Variants in ALG1 observed in about 807,000 individuals in gnomAD.
ALG1 encodes the protein chitobiosyldiphosphodolichol beta-mannosyltransferase.
Under a neutral mutation model 55.1 loss-of-function variants are expected in ALG1, and 58 were observed. That is an observed-to-expected ratio of 1.05 (90% CI 0.85 to 1.31). The LOEUF is 1.31. ALG1 is among the 50% of genes most tolerant of loss of function. The probability of loss-of-function intolerance (pLI) is 0.00; values close to 1 mark genes in which losing one functional copy is unlikely to be tolerated. For synonymous variants in ALG1, 309 were observed against 247.0 expected (o/e 1.25, Z -2.35); for missense variants, 761 against 598.6 (o/e 1.27, Z -2.83).
chr16:5,076,792 CTTT>C (rs5815229), intron 4 of ALG1, among the ~76,000 whole-genome samples: 21 of 108,842 alleles, frequency 1.9e-4, no homozygotes, highest in Non-Finnish European at 2.3e-4. Context: ...GTATTTCTTC[CTTT>C]TTTTTTTTTT....
At chr16:5,079,844 G>A (rs774756202) in intron 9 of ALG1, 37 bp downstream of exon 9, 4 of 1,603,848 alleles carry the variant, frequency 2.5e-6, no homozygotes, top group Non-Finnish European at 3.4e-6. Flanking sequence ...TTTGGTTGGG[G>A]GATGGCGGAG....
At position 5,086,325 on chromosome 16, in the gene ALG1, A is replaced by G. The variant is rs1957164406; in HGVS notation, c.*1444A>G. ...ACTCCAGCCTGAGTGACAGGGTGAGACTAAGTCTCAAAAAAAAAAAAAAAA... is the reference window on the plus strand; with the variant it reads ...ACTCCAGCCTGAGTGACAGGGTGAGGCTAAGTCTCAAAAAAAAAAAAAAAA... On this transcript the variant is annotated 3_prime_UTR_variant, in exon 13 of 13. Transcript: ENST00000262374. Among the ~76,000 whole-genome samples, 1 of 92,426 alleles carries G rather than the reference A, an allele frequency of 1.1e-5. No homozygotes were observed. Among genetic ancestry groups the G allele is most frequent in the South Asian group, 5.7e-4 (1 of 1,748 alleles). 60.6% of individuals were successfully genotyped at this position (92,426 alleles called of 152,430 possible).
chr16:5,084,077 G>C (rs1172791732), intron 12 of ALG1, among the ~76,000 whole-genome samples: 1 of 152,218 alleles, frequency 6.6e-6, no homozygotes, highest in East Asian at 1.9e-4. Flanking sequence ...GGCAAAGGGA[G>C]CTTCTGGGAC....
At chr16:5,072,903 T>G in intron 1 of ALG1, 48 bp from the exon 2 acceptor site, 1 of 1,545,566 alleles carries the variant, frequency 6.5e-7, no homozygotes, top group African/African-American at 1.4e-5. Flanking sequence ...TTATCTGACT[T>G]TAGATTGCTG....
At chr16:5,082,723 C>T (rs770770879) in intron 11 of ALG1, 50 bp downstream of exon 11, 3 of 1,603,164 alleles carry the variant, frequency 1.9e-6, no homozygotes, top group South Asian at 2.2e-5. Flanking sequence ...AGATCCACCG[C>T]TGAGGGGGAA....
chr16:5,072,382 A>T (rs1173363712), intron 1 of ALG1: 10 of 694,752 alleles, frequency 1.4e-5, no homozygotes, highest in Non-Finnish European at 2.0e-5. Context: ...TTGTCAGGCT[A>T]TGTCTGAGCT....
chr16:5,080,574 C>T (rs142966875), intron 9 of ALG1, among the ~76,000 whole-genome samples: 12 of 152,300 alleles, frequency 7.9e-5, no homozygotes, highest in Non-Finnish European at 1.6e-4. Context: ...TTGGAACCCG[C>T]GCCATATGCT....
At chr16:5,080,889 G>C in intron 9 of ALG1, 57 bp from the exon 10 acceptor site, 2 of 1,584,446 alleles carry the variant, frequency 1.3e-6, no homozygotes, top group Non-Finnish European at 1.7e-6. Flanking sequence ...TTGGGCCTGG[G>C]GCCACGTGGC....
intron 10 of ALG1, among the ~76,000 whole-genome samples, chr16:5,081,262 C>T (rs1252880822): frequency 6.6e-6 from 1 of 152,206 alleles, no homozygotes; most frequent in African/African-American, 2.4e-5. Flanking sequence ...TTGAGGAGGC[C>T]ACGTCCTTTC....
intron 3 of ALG1, among the ~76,000 whole-genome samples, chr16:5,075,166 A>C (rs998024263): frequency 6.6e-6 from 1 of 152,108 alleles, no homozygotes; most frequent in African/African-American, 2.4e-5. Flanking sequence ...GGCCTCCCAA[A>C]GTGTTGGGAT....
intron 4 of ALG1, among the ~76,000 whole-genome samples, chr16:5,076,601 A>C (rs1482433241): frequency 6.6e-6 from 1 of 152,158 alleles, no homozygotes; most frequent in East Asian, 1.9e-4. Flanking sequence ...GGTGATAAAT[A>C]ACCCAGAATC....
chr16:5,072,378 G>C, intron 1 of ALG1: 1 of 738,346 alleles, frequency 1.4e-6, no homozygotes, highest in Non-Finnish European at 2.0e-6. Context: ...ACCCTTGTCA[G>C]GCTATGTCTG....
At chr16:5,077,821 T>C in intron 5 of ALG1, 86 bp from the exon 6 acceptor site, 4 of 1,267,776 alleles carry the variant, frequency 3.2e-6, no homozygotes, top group Non-Finnish European at 4.6e-6. Context: ...TCCCCAAGCG[T>C]CCTTCTTTTC....
At chr16:5,079,697 A>G (rs1421736505) in intron 8 of ALG1, 51 bp from the exon 9 acceptor site, 1 of 1,604,236 alleles carries the variant, frequency 6.2e-7, no homozygotes, top group Non-Finnish European at 8.5e-7. Flanking sequence ...AGAAAAAAAA[A>G]AAAATTCTAT....
chr16:5,078,632 G>C, intron 6 of ALG1, 125 bp from the exon 7 acceptor site: 3 of 1,556,852 alleles, frequency 1.9e-6, no homozygotes, highest in South Asian at 2.2e-5. Flanking sequence ...GTGGCCTGGT[G>C]CTGCTGATGT....
rs779911542 is a variant in ALG1 at position 5,075,371 on chromosome 16, G to A, written c.391-17G>A. 2 of 1,613,944 alleles carry A rather than the reference G, an allele frequency of 1.2e-6. No individual in the cohort carries two copies. Among genetic ancestry groups the A allele is most frequent in the Non-Finnish European group, 1.7e-6 (2 of 1,179,948 alleles). ...ATGGTCTGGGTTTCCTCCCCTTCAA[G>A]TCTCTATCTTTCCTAGAACCCCCCA... On this transcript the variant is annotated splice_polypyrimidine_tract_variant and intron_variant, in intron 3 of 12. Transcript: ENST00000262374.
At chr16:5,077,620 C>CCTG (rs924180492) in intron 5 of ALG1, 86 bp downstream of exon 5, 1 of 1,379,368 alleles carries the variant, frequency 7.2e-7, no homozygotes, top group Non-Finnish European at 1.0e-6. Flanking sequence ...CTGCTGCCGT[C>CCTG]CTGCTGAGGG....
intron 5 of ALG1, among the ~76,000 whole-genome samples, 158 bp from the exon 6 acceptor site, chr16:5,077,749 G>A (rs572655122): frequency 1.7e-4 from 26 of 152,340 alleles, no homozygotes; most frequent in Admixed American, 8.5e-4. Context: ...GTCCTAGGAC[G>A]TCTCTCTGTG....
chr16:5,075,510 C>G lies in ALG1; in HGVS notation c.513C>G (p.Asn171Lys). The change falls in exon 4 of 13, where the codon AAC becomes AAG. Residue 171 changes from asparagine (N) to lysine (K), a missense_variant. Transcript: ENST00000262374. ...TCATGGGTCTGGTGCATGGCCCCAACCATCCCCTCGTTCTGCTGGCCAAGT... is the reference window on the plus strand; with the variant it reads ...TCATGGGTCTGGTGCATGGCCCCAAGCATCCCCTCGTTCTGCTGGCCAAGT... Reference protein sequence around the residue: ...YSIMGLVHGPNHPLVLLAKWY... With the variant: ...YSIMGLVHGPKHPLVLLAKWY... 1.2e-6 allele frequency: 2 copies of G among 1,614,144 alleles called. No homozygotes were observed. Among genetic ancestry groups the G allele is most frequent in the Non-Finnish European group, 1.7e-6 (2 of 1,180,028 alleles).
Sources: gnomAD v4.1 joint callset for allele counts (sites outside exome capture counted in the v4.1 genomes callset) on GRCh38, gnomAD v4.1.1 for gene constraint, MANE v1.5 for transcripts, NCBI Gene and HGNC (gene_info 2026-07-23, HGNC 2026-07-21) for gene names.